The following EDA variants were observed in gnomAD, a reference collection of about 807,000 sequenced individuals.
The protein encoded by EDA is ectodysplasin-A.
In EDA, 2 loss-of-function variants were observed where a neutral mutation model predicts 23.6. That is an observed-to-expected ratio of 0.08 (90% CI 0.03 to 0.27). EDA has a LOEUF of 0.27. Among genes scored for constraint, EDA ranks in the 10% least tolerant of loss-of-function variants. The pLI is 1.00. For synonymous variants in EDA, 131 were observed against 132.0 expected (o/e 0.99, Z 0.05); for missense variants, 229 against 324.2 (o/e 0.71, Z 2.26).
chrX:69,903,738 T>A (rs868306000), intron 1 of EDA, among the ~76,000 whole-genome samples: 3 of 108,301 alleles, frequency 2.8e-5, no homozygotes, highest in South Asian at 3.8e-4. Context: ...TTTTTAAAAA[T>A]TTTTTTTGAA....
rs1308636484 is a variant in EDA, at chrX:69,661,491, G to A, written c.396+44787G>A. On this transcript the variant is annotated intron_variant, in intron 1 of 7. Coordinates refer to ENST00000374552, the MANE Select transcript of EDA (RefSeq NM_001399.5). The stretch of plus-strand genomic sequence containing the variant: ...TTTTATGGTTTTAGGTCTAAGATTT[G>A]AGTCTTTAATCCATTTAGAATTAAT... 3.6e-5 allele frequency among the ~76,000 whole-genome samples: 4 copies of A among 110,609 alleles called. No individual in the cohort carries two copies. The East Asian group carries it at 1.1e-3, about 31-fold the overall frequency.
chrX:69,829,338 C>T (rs112823507), intron 1 of EDA, among the ~76,000 whole-genome samples: 1,819 of 111,725 alleles, frequency 0.016, 43 homozygotes, highest in African/African-American at 0.056. Flanking sequence ...TTTGCACTTC[C>T]CCACCACCTC....
intron 1 of EDA, among the ~76,000 whole-genome samples, chrX:69,936,759 CAG>C (rs2018679394): frequency 9.0e-6 from 1 of 111,472 alleles, no homozygotes; most frequent in African/African-American, 3.3e-5. Flanking sequence ...AGACATGAAA[CAG>C]AGAAATAAAT....
intron 1 of EDA, among the ~76,000 whole-genome samples, chrX:69,736,444 C>G (rs1009536092): frequency 9.1e-6 from 1 of 110,369 alleles, no homozygotes; most frequent in Non-Finnish European, 1.9e-5. Context: ...ATTCTCCTGT[C>G]TCAGCTTCCC....
chrX:69,737,624 T>A (rs2013311228), intron 1 of EDA, among the ~76,000 whole-genome samples: 3 of 112,499 alleles, frequency 2.7e-5, no homozygotes, highest in African/African-American at 9.7e-5. Context: ...TAAGAAGAAT[T>A]AAAAAATGAT....
chrX:69,931,918 A>G (rs908755666), intron 1 of EDA, among the ~76,000 whole-genome samples: 8 of 112,257 alleles, frequency 7.1e-5, no homozygotes, highest in African/African-American at 2.6e-4. Context: ...TTTTATTTGT[A>G]GTAACTAAAA....
intron 1 of EDA, among the ~76,000 whole-genome samples, chrX:69,629,111 A>G (rs1932483843): frequency 8.9e-6 from 1 of 112,109 alleles, no homozygotes; most frequent in Admixed American, 9.5e-5. Flanking sequence ...CTGGCATTCT[A>G]AGCCCCTTTG....
intron 1 of EDA, chrX:69,937,697 C>G: frequency 8.7e-7 from 1 of 1,144,760 alleles, no homozygotes; most frequent in African/African-American, 1.8e-5. Context: ...TCTGGGCATA[C>G]ATGTCCTCTG....
At chrX:70,027,279 C>G (rs1488431634) in intron 3 of EDA, among the ~76,000 whole-genome samples, 1 of 111,452 alleles carries the variant, frequency 9.0e-6, no homozygotes, top group African/African-American at 3.3e-5. Flanking sequence ...TGTCTGTTTC[C>G]CCACAGACAC....
chrX:70,032,157 G>A (rs1239802704), intron 6 of EDA, among the ~76,000 whole-genome samples: 3 of 111,060 alleles, frequency 2.7e-5, no homozygotes, highest in African/African-American at 9.8e-5. Flanking sequence ...TGCTCGGGAG[G>A]CTGAGGCAGG....
At chrX:69,953,832 G>A (rs764799716) in intron 1 of EDA, among the ~76,000 whole-genome samples, 1 of 111,783 alleles carries the variant, frequency 8.9e-6, no homozygotes, top group South Asian at 3.7e-4. Flanking sequence ...ATCTAGAACA[G>A]GAAAAATTAG....
chrX:69,691,332 C>T (rs747923576), intron 1 of EDA, among the ~76,000 whole-genome samples: 6 of 111,985 alleles, frequency 5.4e-5, no homozygotes, highest in Non-Finnish European at 9.4e-5. Flanking sequence ...ATGCTTGTAT[C>T]TTTTTCTTCC....
chrX:69,789,084 A>T (rs1840247479), intron 1 of EDA, among the ~76,000 whole-genome samples: 1 of 111,841 alleles, frequency 8.9e-6, no homozygotes, highest in South Asian at 3.7e-4. Flanking sequence ...CCTTTCTTTG[A>T]GTAGGAAAGG....
At chrX:69,886,088 C>G (rs895261092) in intron 1 of EDA, among the ~76,000 whole-genome samples, 1 of 112,163 alleles carries the variant, frequency 8.9e-6, no homozygotes, top group Non-Finnish European at 1.9e-5. Flanking sequence ...TTCAGCCTCA[C>G]CCAGCTTTGG....
intron 1 of EDA, among the ~76,000 whole-genome samples, chrX:69,667,119 C>CTTTTTTTTTTTT (rs35090201): frequency 2.3e-5 from 2 of 86,425 alleles, no homozygotes; most frequent in Non-Finnish European, 2.1e-5. Context: ...TTTTCTTTTT[C>CTTTTTTTTTTTT]TTTTTTTTTT....
rs1358528584 is a variant in EDA at position 70,002,326 on chromosome X, TG to T, written c.503-20891del. Among the ~76,000 whole-genome samples, 3 of 107,954 alleles carry T rather than the reference TG, an allele frequency of 2.8e-5. No homozygotes were observed. The Admixed American group carries it at 3.0e-4, about 11-fold the overall frequency. The allele number at this position is 107,954 out of a possible 115,157, so 93.7% of individuals were successfully genotyped here. A position where few individuals can be genotyped will look rare whatever the true frequency, so the allele number is the denominator to read the frequency against. ...TTTCAAAGGCAACATGATTTCATAA[TG>T]AAAAAAAAAAACATGACTAATCAGA... On this transcript the variant is annotated intron_variant, in intron 2 of 7. Coordinates refer to ENST00000374552, the MANE Select transcript of EDA (RefSeq NM_001399.5).
chrX:69,824,291 T>C (rs1181239868), intron 1 of EDA, among the ~76,000 whole-genome samples: 1 of 110,598 alleles, frequency 9.0e-6, no homozygotes, highest in Non-Finnish European at 1.9e-5. Flanking sequence ...CCTTGGGCAG[T>C]ATGGCCATTT....
intron 1 of EDA, among the ~76,000 whole-genome samples, chrX:69,905,576 T>C (rs2018165406): frequency 8.9e-6 from 1 of 111,875 alleles, no homozygotes; most frequent in African/African-American, 3.2e-5. Context: ...CTCTAGACTA[T>C]TTTCTTCTTG....
At chrX:69,905,054 T>G (rs1409772079) in intron 1 of EDA, among the ~76,000 whole-genome samples, 1 of 112,343 alleles carries the variant, frequency 8.9e-6, no homozygotes, top group Non-Finnish European at 1.9e-5. Context: ...AACAGTGAGA[T>G]TGCTGGATCA....
Sources: gnomAD v4.1 joint callset for allele counts (sites outside exome capture counted in the v4.1 genomes callset) on GRCh38, gnomAD v4.1.1 for gene constraint, MANE v1.5 for transcripts, NCBI Gene and HGNC (gene_info 2026-07-23, HGNC 2026-07-21) for gene names.